Variants in DAPK1 observed in about 807,000 individuals in gnomAD.
DAPK1 encodes the protein death-associated protein kinase 1.
Under a neutral mutation model 144.9 loss-of-function variants are expected in DAPK1, and 56 were observed. The ratio of observed to expected loss-of-function variants is 0.39; its 90% confidence interval spans 0.31 to 0.48. The LOEUF (loss-of-function observed/expected upper bound fraction) is 0.48. Among genes scored for constraint, DAPK1 ranks in the 20% least tolerant of loss-of-function variants. DAPK1 has a pLI of 0.95. For synonymous variants in DAPK1, 690 were observed against 749.0 expected, an observed-to-expected ratio of 0.92 and a Z score of 1.29; for missense variants, 1,454 against 1,875.4, an observed-to-expected ratio of 0.78 and a Z score of 4.15.
At chr9:87,554,865 T>G (rs893110183) in intron 2 of DAPK1, among the ~76,000 whole-genome samples, 1 of 152,204 alleles carries the variant, frequency 6.6e-6, no homozygotes, top group Non-Finnish European at 1.5e-5. Flanking sequence ...CTTCAGCCAG[T>G]TCTCCTGGAG....
intron 4 of DAPK1, 39 bp from the exon 5 acceptor site, chr9:87,639,315 A>G (rs1481429264): frequency 3.2e-6 from 5 of 1,548,716 alleles, no homozygotes; most frequent in Admixed American, 2.1e-5. Flanking sequence ...TCAGCATAAC[A>G]TATCATAGCT....
rs1824343775 is a variant in DAPK1, at chr9:87,675,723, G to A, written c.2002-5681G>A. Among the ~76,000 whole-genome samples the A allele has an allele frequency of 2.0e-5, 3 of 151,962 alleles. No individual in the cohort carries two copies. In the South Asian group the frequency reaches 6.2e-4, roughly 32 times the overall value. ...AGCCAGGGGAGATGTGACGGTGCTT[G>A]GACTGGGGCTGTCCAGGCTCTATTA... On this transcript the variant is annotated intron_variant, in intron 19 of 25. Transcript: ENST00000408954.
intron 2 of DAPK1, among the ~76,000 whole-genome samples, chr9:87,592,887 C>T (rs146742047): frequency 1.4e-4 from 21 of 152,306 alleles, no homozygotes; most frequent in Middle Eastern, 3.4e-3. Flanking sequence ...AGTGACCCTG[C>T]GGTCCCCTCC....
At chr9:87,529,775 A>G (rs906084729) in intron 2 of DAPK1, among the ~76,000 whole-genome samples, 5 of 152,218 alleles carry the variant, frequency 3.3e-5, no homozygotes, top group Non-Finnish European at 7.3e-5. Flanking sequence ...GGCTCAGGCT[A>G]GGCTGGGAGA....
chr9:87,589,990 T>C (rs1179329510), intron 2 of DAPK1, among the ~76,000 whole-genome samples: 1 of 152,224 alleles, frequency 6.6e-6, no homozygotes, highest in Non-Finnish European at 1.5e-5. Context: ...ATTCTACTTT[T>C]CTTATGACCC....
intron 2 of DAPK1, among the ~76,000 whole-genome samples, chr9:87,563,550 A>C (rs747943168): frequency 1.3e-5 from 2 of 152,040 alleles, no homozygotes; most frequent in South Asian, 2.1e-4. Context: ...GCAGAGAGAC[A>C]TGTGTGATGT....
At chr9:87,629,293 C>G (rs563705020) in intron 3 of DAPK1, among the ~76,000 whole-genome samples, 1 of 152,092 alleles carries the variant, frequency 6.6e-6, no homozygotes, top group Non-Finnish European at 1.5e-5. Context: ...TGGGAATGCT[C>G]GTCTACAAGC....
intron 2 of DAPK1, among the ~76,000 whole-genome samples, chr9:87,575,166 G>T (rs529148562): frequency 6.8e-6 from 1 of 146,986 alleles, no homozygotes; most frequent in Non-Finnish European, 1.5e-5. Flanking sequence ...GTTGCAGTGA[G>T]CCAAGATTGC....
intron 18 of DAPK1, among the ~76,000 whole-genome samples, chr9:87,664,435 G>A (rs189775604): frequency 1.2e-4 from 19 of 152,298 alleles, no homozygotes; most frequent in South Asian, 1.2e-3. Context: ...TGCCCGCTAC[G>A]GGCATGTGGG....
intron 2 of DAPK1, among the ~76,000 whole-genome samples, chr9:87,500,860 G>A (rs1274919909): frequency 6.6e-6 from 1 of 152,064 alleles, no homozygotes; most frequent in African/African-American, 2.4e-5. Context: ...GTGTGACCTA[G>A]GAATTTTAAA....
rs370041930 is a variant in DAPK1, at chr9:87,497,874, A to C, written c.-342A>C. The C allele has an allele frequency of 5.6e-4, 220 of 392,426 alleles. No individual in the cohort carries two copies. In the East Asian group the frequency reaches 6.6e-3, roughly 12 times the overall value. The allele number at this position is 392,426 out of a possible 1,614,324, so 24.3% of individuals were successfully genotyped here. A position where few individuals can be genotyped will look rare whatever the true frequency, so the allele number is the denominator to read the frequency against. ...GCAAGGAGCCGAGAGGCTGCTTCGG[A>C]GTGTGAGGAGGACAGCCGGACCGAG... is the stretch of plus-strand genomic sequence containing the variant. On this transcript the variant is annotated 5_prime_UTR_variant, in exon 1 of 26. Transcript: ENST00000408954.
At position 87,640,902 on chromosome 9, in the gene DAPK1, C is replaced by T. The variant is rs77239609; in HGVS notation, c.828+55C>T. 369 of 1,539,392 alleles carry T rather than the reference C, an allele frequency of 2.4e-4. No individual in the cohort carries two copies. In the African/African-American group the frequency reaches 3.5e-3, roughly 15 times the overall value. On this transcript the variant is annotated intron_variant, in intron 9 of 25. Coordinates refer to ENST00000408954, the MANE Select transcript of DAPK1 (RefSeq NM_004938.4). ...TCACTTTCTATGTGATTGGTTTGGG[C>T]ACCCTGGTATTCATGTATCATAGAG...
rs761614531 is a variant in DAPK1 at position 87,700,251 on chromosome 9, G to T, written c.2871+14G>T. The T allele has an allele frequency of 1.9e-6, 3 of 1,608,510 alleles. No individual in the cohort carries two copies. The highest frequency in any genetic ancestry group is 2.6e-6 in the Non-Finnish European group (3 of 1,174,956). On this transcript the variant is annotated intron_variant, in intron 24 of 25. Coordinates refer to ENST00000408954, the MANE Select transcript of DAPK1 (RefSeq NM_004938.4). ...CAGATTGTTTCGGTAAGTACACCATGGAAAGAGCCTGGACCCCTTTGTACT... is the reference window on the plus strand; with the variant it reads ...CAGATTGTTTCGGTAAGTACACCATTGAAAGAGCCTGGACCCCTTTGTACT...
intron 19 of DAPK1, among the ~76,000 whole-genome samples, chr9:87,679,251 A>G (rs1564066354): frequency 1.3e-5 from 2 of 152,238 alleles, no homozygotes; most frequent in Admixed American, 1.3e-4. Context: ...GGGGGTCACC[A>G]TGGAGAGCCA....
rs912771195 is a variant in DAPK1, at chr9:87,660,364, C to T, written c.1923+2237C>T. ...AGAAACGTGACCACACCACATCCCT[C>T]GGTTTAAGTTTCCTAGCAGCCACAT... On this transcript the variant is annotated intron_variant, in intron 18 of 25. Coordinates refer to ENST00000408954, the MANE Select transcript of DAPK1 (RefSeq NM_004938.4). Among the ~76,000 whole-genome samples the T allele has an allele frequency of 3.4e-4, 51 of 152,132 alleles. No individual in the cohort carries two copies. In the Middle Eastern group the frequency reaches 0.01, roughly 30 times the overall value.
At chr9:87,567,771 AC>A in intron 2 of DAPK1, among the ~76,000 whole-genome samples, 1 of 152,026 alleles carries the variant, frequency 6.6e-6, no homozygotes, top group Non-Finnish European at 1.5e-5. Flanking sequence ...GCCCCACCCC[AC>A]CGGACCTCCC....
chr9:87,655,374 A>G (rs1031957102), intron 17 of DAPK1, among the ~76,000 whole-genome samples: 21 of 151,760 alleles, frequency 1.4e-4, no homozygotes, highest in Non-Finnish European at 2.8e-4. Context: ...TTTTTAAAGG[A>G]AAGGTGATGG....
chr9:87,509,723 T>C (rs574189223), intron 2 of DAPK1, among the ~76,000 whole-genome samples: 55 of 152,372 alleles, frequency 3.6e-4, no homozygotes, highest in Middle Eastern at 3.4e-3. Flanking sequence ...TTCCTAGATA[T>C]TGGCTTTGCC....
intron 22 of DAPK1, among the ~76,000 whole-genome samples, chr9:87,697,665 G>A (rs547725769): frequency 6.6e-6 from 1 of 152,334 alleles, no homozygotes; most frequent in Admixed American, 6.5e-5. Flanking sequence ...AAGAAACAAA[G>A]AAAGAGGCCG....
Sources: gnomAD v4.1 joint callset for allele counts (sites outside exome capture counted in the v4.1 genomes callset) on GRCh38, gnomAD v4.1.1 for gene constraint, MANE v1.5 for transcripts, NCBI Gene and HGNC (gene_info 2026-07-23, HGNC 2026-07-21) for gene names.